Variants in PTPRR observed in about 807,000 individuals in gnomAD.
PTPRR encodes protein tyrosine phosphatase receptor type R, also known as receptor-type tyrosine-protein phosphatase R.
Under a neutral mutation model 77.2 loss-of-function variants are expected in PTPRR, and 38 were observed. The observed-to-expected ratio is 0.49, with a 90% CI of 0.38 to 0.65. The LOEUF is 0.65. Among genes scored for constraint, PTPRR ranks in the 30% least tolerant of loss-of-function variants. PTPRR has a pLI of 0.00. For missense variants in PTPRR, 744 were observed against 799.2 expected (o/e 0.93, Z 0.83); for synonymous variants, 299 against 283.1 (o/e 1.06, Z -0.57).
intron 2 of PTPRR, among the ~76,000 whole-genome samples, chr12:70,796,104 AG>A (rs2137014794): frequency 6.6e-6 from 1 of 151,678 alleles, no homozygotes; most frequent in East Asian, 2.0e-4. Flanking sequence ...TTATATTTTT[AG>A]TAGAGACGGG....
chr12:70,839,784 C>A (rs748850004), intron 2 of PTPRR, among the ~76,000 whole-genome samples: 17 of 152,160 alleles, frequency 1.1e-4, no homozygotes, highest in Non-Finnish European at 2.2e-4. Flanking sequence ...AGCTTCGCTT[C>A]TCTCCTCCTG....
intron 10 of PTPRR, among the ~76,000 whole-genome samples, chr12:70,676,457 T>G (rs1887449998): frequency 6.6e-6 from 1 of 152,054 alleles, no homozygotes; most frequent in South Asian, 2.1e-4. Flanking sequence ...TATTTTAATT[T>G]ATGTGAATCT....
chr12:70,759,605 C>T (rs1890640917), intron 4 of PTPRR, among the ~76,000 whole-genome samples: 3 of 136,294 alleles, frequency 2.2e-5, no homozygotes, highest in Admixed American at 8.3e-5. Context: ...GGCATGAACT[C>T]GGGAGGCAGA....
At chr12:70,754,785 T>C (rs1364580397) in intron 4 of PTPRR, 1 of 1,483,486 alleles carries the variant, frequency 6.7e-7, no homozygotes, top group South Asian at 1.3e-5. Flanking sequence ...AATGCCAGCA[T>C]TATTTCCTTC....
intron 2 of PTPRR, among the ~76,000 whole-genome samples, chr12:70,797,712 T>C (rs573442762): frequency 7.9e-5 from 12 of 152,278 alleles, no homozygotes; most frequent in African/African-American, 2.9e-4. Flanking sequence ...CATTGAGTAC[T>C]CTTGTCTTCT....
intron 13 of PTPRR, among the ~76,000 whole-genome samples, chr12:70,642,693 G>A (rs1217885521): frequency 6.6e-6 from 1 of 152,104 alleles, no homozygotes. Flanking sequence ...AATTACCCAG[G>A]TCATGCTATT....
At chr12:70,779,257 T>C (rs1181295825) in intron 2 of PTPRR, among the ~76,000 whole-genome samples, 2 of 151,970 alleles carry the variant, frequency 1.3e-5, no homozygotes, top group African/African-American at 4.8e-5. Flanking sequence ...TTAAATTCCA[T>C]CATGTGGGCT....
At position 70,660,951 on chromosome 12, in the gene PTPRR, A is replaced by G. The variant is rs753126963; in HGVS notation, c.1755T>C (p.Val585=). Residue 585 remains valine, a synonymous_variant, in exon 12 of 14, where the codon GTT becomes GTC. Coordinates refer to ENST00000283228, the MANE Select transcript of PTPRR (RefSeq NM_002849.4). ...CATACACGTCTTACCTGCAGTGGAC[A>G]ACCACAGGCCCTCGGCCCTGGGAAG... is the stretch of plus-strand genomic sequence containing the variant. ...RLASQGRGPV[V]VHCSAGIGRT... 2 of 1,613,190 alleles carry G rather than the reference A, an allele frequency of 1.2e-6. No individual in the cohort carries two copies. The highest frequency in any genetic ancestry group is 1.1e-5 in the South Asian group (1 of 90,866).
At chr12:70,692,397 A>G (rs932339833) in intron 8 of PTPRR, among the ~76,000 whole-genome samples, 2 of 152,146 alleles carry the variant, frequency 1.3e-5, no homozygotes, top group Non-Finnish European at 2.9e-5. Context: ...GCTAGTAAAA[A>G]CTGAGAAACT....
At chr12:70,779,126 G>C (rs1013152052) in intron 2 of PTPRR, among the ~76,000 whole-genome samples, 1 of 151,858 alleles carries the variant, frequency 6.6e-6, no homozygotes, top group Non-Finnish European at 1.5e-5. Context: ...GGGTTTACAG[G>C]CGTGAGCCAC....
At chr12:70,722,257 C>G (rs562037241) in intron 6 of PTPRR, among the ~76,000 whole-genome samples, 114 of 152,218 alleles carry the variant, frequency 7.5e-4, no homozygotes, top group African/African-American at 2.7e-3. Flanking sequence ...CAGGAAAAGC[C>G]TATCCGGTCC....
chr12:70,679,677 C>A (rs544276922), intron 10 of PTPRR, among the ~76,000 whole-genome samples: 3 of 152,038 alleles, frequency 2.0e-5, no homozygotes, highest in Admixed American at 6.5e-5. Context: ...GATTTGAAGT[C>A]TATTTTATCT....
At chr12:70,746,200 A>C (rs1890211434) in intron 5 of PTPRR, 114 bp from the exon 6 acceptor site, 1 of 977,410 alleles carries the variant, frequency 1.0e-6, no homozygotes, top group Non-Finnish European at 1.5e-6. Flanking sequence ...ACGATAAAGT[A>C]AACAAAGCCC....
intron 10 of PTPRR, among the ~76,000 whole-genome samples, chr12:70,664,059 C>G (rs918436194): frequency 2.0e-5 from 3 of 152,196 alleles, no homozygotes; most frequent in Non-Finnish European, 4.4e-5. Context: ...GTCACTTCAC[C>G]TAGCAGAATC....
At chr12:70,831,956 T>C (rs1240781010) in intron 2 of PTPRR, among the ~76,000 whole-genome samples, 2 of 152,222 alleles carry the variant, frequency 1.3e-5, no homozygotes, top group Non-Finnish European at 2.9e-5. Context: ...AGTTTTAATG[T>C]TCACATTCTG....
chr12:70,788,719 T>C, intron 2 of PTPRR: 1 of 863,986 alleles, frequency 1.2e-6, no homozygotes, highest in Non-Finnish European at 1.9e-6. Context: ...TTTCTACATT[T>C]ACATGAACAG....
chr12:70,663,457 G>T (rs1886868284), intron 10 of PTPRR, among the ~76,000 whole-genome samples: 1 of 152,144 alleles, frequency 6.6e-6, no homozygotes, highest in African/African-American at 2.4e-5. Context: ...CATAGAGTAA[G>T]CACTTACAAC....
chr12:70,667,118 G>A (rs1887039973), intron 10 of PTPRR, among the ~76,000 whole-genome samples: 1 of 151,724 alleles, frequency 6.6e-6, no homozygotes, highest in South Asian at 2.1e-4. Context: ...ACCATGCCTG[G>A]CTAATTTTTT....
intron 1 of PTPRR, among the ~76,000 whole-genome samples, chr12:70,900,801 T>C (rs1449242987): frequency 2.0e-5 from 3 of 151,482 alleles, no homozygotes; most frequent in African/African-American, 7.3e-5. Flanking sequence ...ATTAGGAAAA[T>C]GCAAATTAAA....
Sources: gnomAD v4.1 joint callset for allele counts (sites outside exome capture counted in the v4.1 genomes callset) on GRCh38, gnomAD v4.1.1 for gene constraint, MANE v1.5 for transcripts, NCBI Gene and HGNC (gene_info 2026-07-23, HGNC 2026-07-21) for gene names.